Variants in SLC29A3 observed in about 807,000 individuals in gnomAD.
SLC29A3 encodes equilibrative nucleoside transporter 3.
A neutral mutation model predicts 25.4 loss-of-function variants in SLC29A3; 18 were observed. That is an observed-to-expected ratio of 0.71 (90% CI 0.49 to 1.05). The LOEUF (loss-of-function observed/expected upper bound fraction) is 1.05. Ranked by LOEUF, SLC29A3 falls within the 50% of genes least tolerant of loss-of-function variation. SLC29A3 has a pLI of 0.00. For missense variants in SLC29A3, 586 were observed against 609.0 expected, an observed-to-expected ratio of 0.96 and a Z score of 0.40; for synonymous variants, 258 against 267.1, an observed-to-expected ratio of 0.97 and a Z score of 0.33.
rs534123579 is a variant in SLC29A3 at position 71,332,763 on chromosome 10, C to T, written c.300+9709C>T. Among the ~76,000 whole-genome samples, 5 of 152,318 alleles carry T rather than the reference C, an allele frequency of 3.3e-5. No homozygotes were observed. The South Asian group carries it at 8.3e-4, about 25-fold the overall frequency. Reference sequence around the variant, plus strand: ...TGATTCTAACTGCGGGCCCAGCCAGCGTGCCATTCCCAATAAATAATACAC... The same window carrying T: ...TGATTCTAACTGCGGGCCCAGCCAGTGTGCCATTCCCAATAAATAATACAC... On this transcript the variant is annotated intron_variant, in intron 2 of 5. Coordinates refer to ENST00000373189, the MANE Select transcript of SLC29A3 (RefSeq NM_018344.6).
At chr10:71,360,505 T>G (rs1280123685) in intron 5 of SLC29A3, among the ~76,000 whole-genome samples, 1 of 152,216 alleles carries the variant, frequency 6.6e-6, no homozygotes, top group Non-Finnish European at 1.5e-5. Flanking sequence ...TGGTTAGTTC[T>G]TTTGAAGGAA....
intron 5 of SLC29A3, among the ~76,000 whole-genome samples, chr10:71,360,303 C>T (rs1264873476): frequency 1.3e-5 from 2 of 152,020 alleles, no homozygotes; most frequent in Non-Finnish European, 2.9e-5. Context: ...ACCACCATGC[C>T]TGGCTAATTT....
chr10:71,329,692 G>A (rs565914203), intron 2 of SLC29A3, among the ~76,000 whole-genome samples: 1 of 152,166 alleles, frequency 6.6e-6, no homozygotes, highest in Non-Finnish European at 1.5e-5. Flanking sequence ...CCAGGAGTTC[G>A]AGTTCAGACT....
chr10:71,333,884 C>T (rs947851452), intron 2 of SLC29A3, among the ~76,000 whole-genome samples: 1 of 152,198 alleles, frequency 6.6e-6, no homozygotes, highest in African/African-American at 2.4e-5. Context: ...TTTCTGAGCC[C>T]TTACTCTGCC....
chr10:71,319,945 C>G (rs1845812561), intron 1 of SLC29A3, among the ~76,000 whole-genome samples: 1 of 152,238 alleles, frequency 6.6e-6, no homozygotes, highest in African/African-American at 2.4e-5. Context: ...CCCAGGAGCA[C>G]GTTCCAGGCC....
At chr10:71,375,402 TG>T (rs762264821) in intron 3 of SLC29A3, among the ~76,000 whole-genome samples, 4 of 152,256 alleles carry the variant, frequency 2.6e-5, no homozygotes, top group Non-Finnish European at 5.9e-5. Context: ...AGGAGAAACT[TG>T]CAGTTTAGTG....
chr10:71,354,114 G>A (rs1463347454), intron 4 of SLC29A3, among the ~76,000 whole-genome samples: 1 of 152,212 alleles, frequency 6.6e-6, no homozygotes, highest in Non-Finnish European at 1.5e-5. Flanking sequence ...GGGAAGCACA[G>A]AAATAGCCAA....
At chr10:71,357,440 A>G (rs1846944913) in intron 5 of SLC29A3, among the ~76,000 whole-genome samples, 1 of 151,972 alleles carries the variant, frequency 6.6e-6, no homozygotes, top group Non-Finnish European at 1.5e-5. Flanking sequence ...GTATAGAGAC[A>G]GAGTCTCACT....
intron 3 of SLC29A3, 108 bp downstream of exon 3, chr10:71,344,399 C>A: frequency 3.6e-6 from 3 of 824,526 alleles, no homozygotes; most frequent in South Asian, 2.7e-5. Flanking sequence ...TGGTGGTCAC[C>A]AAAGTAGGAT....
intron 4 of SLC29A3, among the ~76,000 whole-genome samples, chr10:71,376,440 T>A (rs1176437075): frequency 5.3e-5 from 8 of 152,192 alleles, no homozygotes; most frequent in African/African-American, 1.7e-4. Flanking sequence ...TATTTCCTCA[T>A]TCATTATACC....
Position 71,363,337 on chromosome 10 carries a change from C to T in SLC29A3, c.*729C>T, listed in dbSNP as rs540124036. ...GGTCTTTCAGTGTTCCTGTTTACAA[C>T]ATGTCAAAGCCATTGGTTCAAGGGC... On this transcript the variant is annotated 3_prime_UTR_variant, in exon 6 of 6. Transcript: ENST00000373189. 1.3e-5 allele frequency: 6 copies of T among 454,106 alleles called. No individual in the cohort carries two copies. Among genetic ancestry groups the T allele is most frequent in the South Asian group, 4.7e-5 (3 of 64,476 alleles). 28.1% of individuals were successfully genotyped at this position (454,106 alleles called of 1,614,324 possible). A position where few individuals can be genotyped will look rare whatever the true frequency, so the allele number is the denominator to read the frequency against.
At position 71,319,287 on chromosome 10, in the gene SLC29A3, C is replaced by A. The variant is rs771479944; in HGVS notation, c.-23C>A. The A allele has an allele frequency of 3.2e-6, 2 of 632,120 alleles. No individual in the cohort carries two copies. The highest frequency in any genetic ancestry group is 2.8e-6 in the Non-Finnish European group (1 of 352,130). The allele number at this position is 632,120 out of a possible 1,614,324, so 39.2% of individuals were successfully genotyped here. On this transcript the variant is annotated 5_prime_UTR_variant, in exon 1 of 6. Coordinates refer to ENST00000373189, the MANE Select transcript of SLC29A3 (RefSeq NM_018344.6). ...GGTCCTGGCCGTGCGCCGGAGGCAG[C>A]GGCGGCGTGGCGCAGCGGCGACAGT... is the stretch of plus-strand genomic sequence containing the variant.
In SLC29A3 at chr10:71,351,623, A is replaced by C. The variant is rs1293013483; in HGVS notation, c.445A>C (p.Ile149Leu). The C allele has an allele frequency of 6.2e-7, 1 of 1,614,176 alleles. No homozygotes were observed. ...LTVILAIFMVITALVKVDTSS... is the reference protein window; with the variant it reads ...LTVILAIFMVLTALVKVDTSS... ...GGTCATCCTGGCCATCTTCATGGTG[A>C]TAACTGCACTGGTGAAGGTGGACAC... Residue 149 changes from isoleucine to leucine, a missense_variant, in exon 4 of 6, where the codon ATA (isoleucine) becomes CTA (leucine). Ile to Leu is a conservative substitution (Grantham distance 5). Transcript: ENST00000373189.
Position 71,322,846 on chromosome 10 carries a change from T to A in SLC29A3, c.92T>A (p.Leu31Gln), listed in dbSNP as rs768350383. The A allele has an allele frequency of 3.7e-6, 6 of 1,614,212 alleles. No individual in the cohort carries two copies. The South Asian group carries it at 6.6e-5, about 18-fold the overall frequency. ...AGTCTCCGAGCTGACCAGGAGGCAC[T>A]GCTTGAGAAGCTGCTGGACCGCCCG... is the stretch of plus-strand genomic sequence containing the variant. The part of the protein sequence containing the change: ...SSSLRADQEA[L>Q]LEKLLDRPPP... The change falls in exon 2 of 6, where the codon CTG becomes CAG. Residue 31 changes from leucine (L) to glutamine (Q), a missense_variant. Physicochemically the swap from Leu to Gln is moderately radical, Grantham distance 113 (BLOSUM62 -2). Coordinates refer to ENST00000373189, the MANE Select transcript of SLC29A3 (RefSeq NM_018344.6).
intron 2 of SLC29A3, among the ~76,000 whole-genome samples, chr10:71,330,617 C>T (rs557921776): frequency 1.3e-5 from 2 of 152,206 alleles, no homozygotes; most frequent in Non-Finnish European, 2.9e-5. Flanking sequence ...GCCCACAGAC[C>T]CACCTGGCAG....
intron 1 of SLC29A3, among the ~76,000 whole-genome samples, chr10:71,321,776 C>G (rs988942859): frequency 6.6e-6 from 1 of 152,250 alleles, no homozygotes; most frequent in Admixed American, 6.5e-5. Flanking sequence ...AGCCTAGGCT[C>G]TTCCATTTAT....
At chr10:71,379,829 T>C (rs953795471) in exon 5 of SLC29A3, 4 of 152,154 alleles carry the variant, frequency 2.6e-5, no homozygotes, top group African/African-American at 9.7e-5. Context: ...CGAGTGCACT[T>C]TGTGGACACT....
chr10:71,355,749 TAA>T (rs1044035233), intron 4 of SLC29A3, among the ~76,000 whole-genome samples: 4 of 151,954 alleles, frequency 2.6e-5, no homozygotes, highest in African/African-American at 9.7e-5. Context: ...AGAAGGGCAA[TAA>T]AGAGAGATGG....
intron 5 of SLC29A3, among the ~76,000 whole-genome samples, chr10:71,360,014 C>G (rs1279951497): frequency 6.6e-6 from 1 of 152,052 alleles, no homozygotes; most frequent in Non-Finnish European, 1.5e-5. Context: ...AAGGAAGACA[C>G]TTCTATAGGC....
Sources: allele counts gnomAD v4.1 joint callset (sites outside exome capture counted in the v4.1 genomes callset), GRCh38; gene constraint gnomAD v4.1.1; transcripts MANE v1.5; gene names NCBI Gene and HGNC (gene_info 2026-07-23, HGNC 2026-07-21).